Variants in USP39 observed in about 807,000 individuals in gnomAD.
The protein encoded by USP39 is ubiquitin carboxyl-terminal hydrolase 39.
Under a neutral mutation model 66.4 loss-of-function variants are expected in USP39, and 38 were observed. The observed-to-expected ratio is 0.57, with a 90% confidence interval of 0.44 to 0.75. The LOEUF (loss-of-function observed/expected upper bound fraction) is 0.75, where lower values mean the gene tolerates loss of function less well. Ranked by LOEUF, USP39 falls within the 30% of genes least tolerant of loss-of-function variation. The probability of loss-of-function intolerance (pLI) is 0.00; values close to 1 mark genes in which losing one functional copy is unlikely to be tolerated. For synonymous variants in USP39, 303 were observed against 274.6 expected (o/e 1.10, Z -1.02); for missense variants, 608 against 714.4 (o/e 0.85, Z 1.70).
At chr2:85,647,841 A>T (rs944849390) in intron 11 of USP39, 89 bp from the exon 12 acceptor site, 4 of 1,221,732 alleles carry the variant, frequency 3.3e-6, no homozygotes, top group Non-Finnish European at 1.2e-6. Flanking sequence ...CTGTTCTTCT[A>T]ATTTTTCTAG....
intron 6 of USP39, among the ~76,000 whole-genome samples, chr2:85,634,031 G>T (rs1675574484): frequency 6.7e-6 from 1 of 150,240 alleles, no homozygotes; most frequent in South Asian, 2.1e-4. Flanking sequence ...TAGAGACGGG[G>T]TTTCACCGTT....
At chr2:85,632,034 G>A (rs1021646326) in intron 6 of USP39, among the ~76,000 whole-genome samples, 9 of 152,194 alleles carry the variant, frequency 5.9e-5, no homozygotes, top group East Asian at 1.9e-4. Context: ...GAGCCACTGC[G>A]CCCGGCCTCT....
At chr2:85,609,392 T>C (rs938896088), upstream of USP39, 1 of 1,602,336 alleles carries the variant, frequency 6.2e-7, no homozygotes, top group Non-Finnish European at 8.5e-7. Flanking sequence ...ATTACTACCA[T>C]GGCCCAGGAC....
upstream of USP39, chr2:85,609,617 A>AGG (rs762843845): frequency 6.8e-6 from 11 of 1,612,564 alleles, no homozygotes; most frequent in Admixed American, 8.3e-5. Flanking sequence ...AAGAAAGAAG[A>AGG]GGGGGGGTGC....
chr2:85,611,907 C>T (rs1673568620), upstream of USP39: 1 of 1,593,194 alleles, frequency 6.3e-7, no homozygotes, highest in Admixed American at 1.7e-5. Context: ...GGATATGGTG[C>T]ACGAAGCCGT....
upstream of USP39, chr2:85,609,323 T>G (rs1673353273): frequency 6.9e-7 from 1 of 1,447,244 alleles, no homozygotes; most frequent in South Asian, 1.3e-5. Flanking sequence ...GACTCACATG[T>G]GGAGCAGACG....
intron 1 of USP39, among the ~76,000 whole-genome samples, chr2:85,604,140 A>G (rs1573366933): frequency 6.6e-6 from 1 of 152,336 alleles, no homozygotes; most frequent in African/African-American, 2.4e-5. Context: ...AATAAACTGC[A>G]CAATGACTTG....
At chr2:85,611,590 G>A, upstream of USP39, 4 of 1,552,522 alleles carry the variant, frequency 2.6e-6, no homozygotes, top group Non-Finnish European at 3.5e-6. Flanking sequence ...AGTAAGAAGT[G>A]GTTTTTCCCT....
chr2:85,609,286 G>C, upstream of USP39: 2 of 1,290,458 alleles, frequency 1.5e-6, no homozygotes, highest in South Asian at 2.8e-5. Context: ...AGTGAGTTGT[G>C]CTCAAAAGCA....
At chr2:85,605,757 T>C (rs1673189235) in intron 1 of USP39, among the ~76,000 whole-genome samples, 1 of 152,156 alleles carries the variant, frequency 6.6e-6, no homozygotes, top group Admixed American at 6.5e-5. Context: ...GCAGATTGGA[T>C]ACTCACCATC....
chr2:85,641,075 T>G lies in USP39; in HGVS notation c.1384T>G (p.Phe462Val). 1 of 1,613,756 alleles carries G rather than the reference T, an allele frequency of 6.2e-7. No homozygotes were observed. Among genetic ancestry groups the G allele is most frequent in the Non-Finnish European group, 8.5e-7 (1 of 1,179,922 alleles). Reference sequence around the variant, plus strand: ...TATCAAGAGATTCACTAAGAACAACTTCTTTGTTGAGAAGAATCCAACTAT... The same window carrying G: ...TATCAAGAGATTCACTAAGAACAACGTCTTTGTTGAGAAGAATCCAACTAT... ...FCIKRFTKNN[F>V]FVEKNPTIVN... is the part of the protein sequence containing the mutation. The change falls in exon 10 of 13, where the codon TTC (phenylalanine) becomes GTC (valine). Residue 462 changes from phenylalanine to valine, a missense_variant. Physicochemically the swap from Phe to Val is conservative, Grantham distance 50. Transcript: ENST00000323701.
chr2:85,616,162 G>A (rs1379971388), upstream of USP39: 1 of 1,406,848 alleles, frequency 7.1e-7, no homozygotes. Flanking sequence ...AGCGTGCTTG[G>A]CGCCTGCGCT....
chr2:85,647,435 C>T lies in USP39; in HGVS notation c.1564-495C>T, dbSNP rs369937604. Among the ~76,000 whole-genome samples the T allele has an allele frequency of 9.4e-4, 143 of 152,106 alleles. 3 individuals are homozygous for T. The South Asian group carries it at 0.028, about 30-fold the overall frequency. On this transcript the variant is annotated intron_variant, in intron 11 of 12. Coordinates refer to ENST00000323701, the MANE Select transcript of USP39 (RefSeq NM_006590.4). ...CCCATAATCCTAGCACTTTAGGAGG[C>T]TGAGGCGGGAGGATCTTTTGAGACC...
chr2:85,645,144 C>T (rs1217127767), intron 11 of USP39, 61 bp downstream of exon 11: 8 of 1,607,452 alleles, frequency 5.0e-6, no homozygotes, highest in East Asian at 2.2e-5. Flanking sequence ...TCTTTGGCAT[C>T]TCAGAGGGCA....
In USP39 at chr2:85,648,799, G is replaced by C. The variant is rs1300704073; in HGVS notation, c.1689G>C (p.Gln563His). ...GAGATAATGATGAAACCAACCAGCA[G>C]GGGGCTTGAAGGAGGCGTCTAGGGC... ...KRRDNDETNQ[Q>H]GA The change falls in exon 13 of 13, where the codon CAG becomes CAC. Residue 563 changes from glutamine to histidine, a missense_variant. Coordinates refer to ENST00000323701, the MANE Select transcript of USP39 (RefSeq NM_006590.4). 6.2e-7 allele frequency: 1 copy of C among 1,614,036 alleles called. No homozygotes were observed. The highest frequency in any genetic ancestry group is 8.5e-7 in the Non-Finnish European group (1 of 1,180,030).
At chr2:85,638,995 T>A (rs17736515) in intron 8 of USP39, among the ~76,000 whole-genome samples, 7,441 of 152,174 alleles carry the variant, frequency 0.049, 218 homozygotes, top group Middle Eastern at 0.1. Context: ...GATAGTCTGG[T>A]ATATAAGCAA....
chr2:85,626,570 C>T (rs912257288), intron 5 of USP39, among the ~76,000 whole-genome samples: 2 of 152,132 alleles, frequency 1.3e-5, no homozygotes, highest in African/African-American at 4.8e-5. Context: ...TCTGTGTTGC[C>T]TTGCAGTATC....
At chr2:85,634,791 A>G (rs1233707155) in intron 6 of USP39, among the ~76,000 whole-genome samples, 2 of 152,210 alleles carry the variant, frequency 1.3e-5, no homozygotes, top group Non-Finnish European at 2.9e-5. Flanking sequence ...TTTGTGGACC[A>G]TGAATGGATG....
intron 5 of USP39, among the ~76,000 whole-genome samples, chr2:85,626,557 G>A (rs1345780785): frequency 4.6e-5 from 7 of 152,262 alleles, no homozygotes; most frequent in South Asian, 2.1e-4. Context: ...ATGAGGGACC[G>A]AATCTGTGTT....
Sources: gnomAD v4.1 joint callset for allele counts (sites outside exome capture counted in the v4.1 genomes callset) on GRCh38, gnomAD v4.1.1 for gene constraint, MANE v1.5 for transcripts, NCBI Gene and HGNC (gene_info 2026-07-23, HGNC 2026-07-21) for gene names.